The following EPHA5 variants were observed in gnomAD, a reference collection of about 807,000 sequenced individuals.
EPHA5 encodes EPH receptor A5.
Under a neutral mutation model 105.0 loss-of-function variants are expected in EPHA5, and 60 were observed. That is an observed-to-expected ratio of 0.57 (90% CI 0.46 to 0.71). The LOEUF is 0.71. EPHA5 is among the 30% of genes least tolerant of loss of function. The pLI is 0.00. For missense variants in EPHA5, 1,218 were observed against 1,274.7 expected (o/e 0.96, Z 0.68); for synonymous variants, 513 against 449.1 (o/e 1.14, Z -1.80).
intron 1 of EPHA5, among the ~76,000 whole-genome samples, chr4:65,661,577 G>T (rs1345731953): frequency 6.6e-6 from 1 of 152,160 alleles, no homozygotes; most frequent in Non-Finnish European, 1.5e-5. Context: ...TAAGTGAGAT[G>T]ACAGTGCATT....
intron 3 of EPHA5, among the ~76,000 whole-genome samples, chr4:65,579,423 C>T (rs1208233433): frequency 6.7e-6 from 1 of 148,728 alleles, no homozygotes; most frequent in East Asian, 2.0e-4. Flanking sequence ...TTTGTCATCT[C>T]AGGATTGTGG....
rs576161531 is a variant in EPHA5 at position 65,538,189 on chromosome 4, C to T, written c.911-42646G>A. 1.3e-3 allele frequency among the ~76,000 whole-genome samples: 202 copies of T among 151,718 alleles called. 1 individual carries two copies. The highest frequency in any genetic ancestry group is 3.4e-3 in the Middle Eastern group (1 of 294). On this transcript the variant is annotated intron_variant, in intron 3 of 16. Transcript: ENST00000613740. ...TAAAATACAAGGGAGGTCTAGGGTA[C>T]GGAGATATATCTAATTGCCAAATAA...
intron 13 of EPHA5, among the ~76,000 whole-genome samples, chr4:65,348,994 T>C (rs1473842343): frequency 6.6e-6 from 1 of 151,018 alleles, no homozygotes; most frequent in Non-Finnish European, 1.5e-5. Flanking sequence ...TTTTGTATTT[T>C]TAGTAGAGAC....
chr4:65,529,627 T>G (rs955426835), intron 3 of EPHA5, among the ~76,000 whole-genome samples: 2 of 151,882 alleles, frequency 1.3e-5, no homozygotes, highest in African/African-American at 4.8e-5. Flanking sequence ...AGATACATAA[T>G]AAATCTACAC....
intron 8 of EPHA5, among the ~76,000 whole-genome samples, chr4:65,367,690 G>T (rs999503227): frequency 6.6e-6 from 1 of 151,932 alleles, no homozygotes; most frequent in African/African-American, 2.4e-5. Context: ...ACCAAATACT[G>T]TATACCAGAC....
At chr4:65,650,943 T>C (rs1372334357) in intron 1 of EPHA5, among the ~76,000 whole-genome samples, 2 of 152,230 alleles carry the variant, frequency 1.3e-5, no homozygotes, top group African/African-American at 4.8e-5. Context: ...TTTCCAGTTT[T>C]ATTCAAGTTT....
chr4:65,634,155 T>A (rs1316891716), intron 2 of EPHA5, among the ~76,000 whole-genome samples: 4 of 152,088 alleles, frequency 2.6e-5, no homozygotes, highest in Non-Finnish European at 4.4e-5. Flanking sequence ...GATGATATTA[T>A]GGATAAAGGC....
intron 2 of EPHA5, among the ~76,000 whole-genome samples, chr4:65,635,385 T>C (rs1747026424): frequency 6.6e-6 from 1 of 152,026 alleles, no homozygotes; most frequent in Non-Finnish European, 1.5e-5. Context: ...TAGAAAAAAA[T>C]TTAAAATGAT....
chr4:65,363,467 A>G lies in EPHA5; in HGVS notation c.2173+1550T>C, dbSNP rs1272523582. ...ATGTAACGTGGTCTTCCATGATAATAACAGTAATCTGGCATTGTTCTAAAT... is the reference window on the plus strand; with the variant it reads ...ATGTAACGTGGTCTTCCATGATAATGACAGTAATCTGGCATTGTTCTAAAT... On this transcript the variant is annotated intron_variant, in intron 11 of 16. Transcript: ENST00000613740. Among the ~76,000 whole-genome samples, 73 of 151,566 alleles carry G rather than the reference A, an allele frequency of 4.8e-4. No individual in the cohort carries two copies. The Admixed American group carries it at 4.8e-3, about 10-fold the overall frequency.
At chr4:65,625,798 C>A (rs1746087247) in intron 2 of EPHA5, among the ~76,000 whole-genome samples, 1 of 152,142 alleles carries the variant, frequency 6.6e-6, no homozygotes, top group Non-Finnish European at 1.5e-5. Context: ...GGTGCTTTTG[C>A]AGTAATTTTA....
intron 6 of EPHA5, 42 bp downstream of exon 6, chr4:65,420,399 A>T (rs771290980): frequency 2.0e-6 from 3 of 1,521,998 alleles, no homozygotes; most frequent in Admixed American, 2.3e-5. Flanking sequence ...TAAAATGAAA[A>T]AAAAAAGAAA....
intron 3 of EPHA5, among the ~76,000 whole-genome samples, chr4:65,513,858 C>A (rs1242754520): frequency 6.6e-6 from 1 of 151,984 alleles, no homozygotes; most frequent in African/African-American, 2.4e-5. Flanking sequence ...TTACACTTAA[C>A]CTCCCATGTT....
At chr4:65,613,732 G>C (rs139970697) in intron 2 of EPHA5, among the ~76,000 whole-genome samples, 3 of 151,962 alleles carry the variant, frequency 2.0e-5, no homozygotes, top group Non-Finnish European at 4.4e-5. Flanking sequence ...TCAACCAAAA[G>C]CATACTTTTG....
At chr4:65,569,856 C>T (rs1739938202) in intron 3 of EPHA5, among the ~76,000 whole-genome samples, 1 of 151,658 alleles carries the variant, frequency 6.6e-6, no homozygotes, top group Non-Finnish European at 1.5e-5. Flanking sequence ...CCCTCATCCT[C>T]CATTTCTGGA....
At chr4:65,411,239 AAG>A (rs1028084055) in intron 7 of EPHA5, among the ~76,000 whole-genome samples, 6 of 152,046 alleles carry the variant, frequency 3.9e-5, no homozygotes, top group Non-Finnish European at 5.9e-5. Context: ...TCTAAAAAAA[AAG>A]TTTTGCGTTT....
At chr4:65,560,967 C>A (rs1321003729) in intron 3 of EPHA5, among the ~76,000 whole-genome samples, 3 of 151,978 alleles carry the variant, frequency 2.0e-5, no homozygotes, top group Admixed American at 6.6e-5. Flanking sequence ...GTCTTTAAAT[C>A]ACTAATTCAT....
At chr4:65,379,276 TACACAC>T (rs35953627) in intron 8 of EPHA5, among the ~76,000 whole-genome samples, 1 of 149,908 alleles carries the variant, frequency 6.7e-6, no homozygotes, top group African/African-American at 2.4e-5. Flanking sequence ...AGTATGCACA[TACACAC>T]ACACACACAC....
chr4:65,341,565 A>C (rs574405859), intron 14 of EPHA5, among the ~76,000 whole-genome samples: 1 of 149,954 alleles, frequency 6.7e-6, no homozygotes, highest in African/African-American at 2.4e-5. Context: ...ATAGATATTT[A>C]CATATTATAT....
intron 5 of EPHA5, among the ~76,000 whole-genome samples, chr4:65,425,368 A>T (rs543340993): frequency 3.1e-4 from 47 of 152,188 alleles, no homozygotes; most frequent in African/African-American, 1.1e-3. Context: ...ACACTTTATC[A>T]TATTAAGGTA....
Sources: allele counts gnomAD v4.1 joint callset (sites outside exome capture counted in the v4.1 genomes callset), GRCh38; gene constraint gnomAD v4.1.1; transcripts MANE v1.5; gene names NCBI Gene and HGNC (gene_info 2026-07-23, HGNC 2026-07-21).